Variants in ADAMTSL1 observed in about 807,000 individuals in gnomAD.
ADAMTSL1 encodes ADAMTS like 1.
A neutral mutation model predicts 201.8 loss-of-function variants in ADAMTSL1; 126 were observed. That is an observed-to-expected ratio of 0.62 (90% confidence interval 0.54 to 0.72). The LOEUF (loss-of-function observed/expected upper bound fraction) is 0.72. Ranked by LOEUF, ADAMTSL1 falls within the 30% of genes least tolerant of loss-of-function variation. The pLI, the probability that ADAMTSL1 is intolerant of heterozygous loss-of-function variation, is 0.00. For missense variants in ADAMTSL1, 2,679 were observed against 2,277.8 expected (o/e 1.18, Z -3.59); for synonymous variants, 1,121 against 903.4 (o/e 1.24, Z -4.32).
intron 2 of ADAMTSL1, among the ~76,000 whole-genome samples, chr9:18,219,312 C>T (rs112210356): frequency 0.011 from 1,673 of 151,212 alleles, 27 homozygotes; most frequent in African/African-American, 0.038. Context: ...TATCCTCTTA[C>T]CTATGAATCC....
intron 3 of ADAMTSL1, among the ~76,000 whole-genome samples, chr9:18,534,032 G>T (rs1323955142): frequency 1.3e-5 from 2 of 152,148 alleles, no homozygotes; most frequent in African/African-American, 4.8e-5. Flanking sequence ...CCAGAGTTGA[G>T]TATAGCAGTA....
At chr9:18,108,256 A>G (rs1824851018) in intron 1 of ADAMTSL1, among the ~76,000 whole-genome samples, 1 of 146,690 alleles carries the variant, frequency 6.8e-6, no homozygotes, top group Admixed American at 6.9e-5. Flanking sequence ...GCTGGTGTAC[A>G]GTGACACCAT....
At chr9:18,399,627 A>C (rs959493959) in intron 2 of ADAMTSL1, among the ~76,000 whole-genome samples, 1 of 152,062 alleles carries the variant, frequency 6.6e-6, no homozygotes, top group Admixed American at 6.6e-5. Context: ...CTGGGATTAC[A>C]GGCATGAGCC....
intron 1 of ADAMTSL1, among the ~76,000 whole-genome samples, chr9:18,094,048 A>C (rs1455426740): frequency 6.6e-6 from 1 of 152,166 alleles, no homozygotes; most frequent in African/African-American, 2.4e-5. Flanking sequence ...TAGGACACTG[A>C]TGAGAGACCA....
At chr9:18,106,942 C>T (rs1411799) in intron 1 of ADAMTSL1, among the ~76,000 whole-genome samples, 87,448 of 151,994 alleles carry the variant, frequency 0.58, 26,292 homozygotes, top group African/African-American at 0.76. Context: ...AGATATCTGG[C>T]AATTCCCACA....
intron 15 of ADAMTSL1, among the ~76,000 whole-genome samples, chr9:18,733,987 C>T (rs1818369476): frequency 6.7e-6 from 1 of 150,148 alleles, no homozygotes; most frequent in South Asian, 2.1e-4. Flanking sequence ...GTGTAAATGA[C>T]TGATTCCTAT....
intron 2 of ADAMTSL1, among the ~76,000 whole-genome samples, chr9:18,393,931 G>A (rs1817642634): frequency 6.6e-6 from 1 of 152,090 alleles, no homozygotes; most frequent in Admixed American, 6.6e-5. Context: ...ACTACTAGTT[G>A]GTAAACAAAT....
At chr9:18,144,320 C>G (rs999980142) in intron 1 of ADAMTSL1, among the ~76,000 whole-genome samples, 2 of 152,074 alleles carry the variant, frequency 1.3e-5, no homozygotes, top group African/African-American at 4.8e-5. Flanking sequence ...ATTACTCTGC[C>G]TCAGCTTCCT....
At chr9:18,247,231 C>G (rs541195675) in intron 2 of ADAMTSL1, among the ~76,000 whole-genome samples, 2 of 152,140 alleles carry the variant, frequency 1.3e-5, no homozygotes, top group South Asian at 4.2e-4. Context: ...ACAGTAATAG[C>G]AAATATAGCA....
intron 1 of ADAMTSL1, among the ~76,000 whole-genome samples, chr9:17,988,494 C>A (rs2253259): frequency 0.14 from 21,817 of 151,676 alleles, 1,960 homozygotes; most frequent in East Asian, 0.25. Flanking sequence ...AGTATTCATA[C>A]CAGGCCCATG....
chr9:18,162,099 T>G (rs547486186), intron 1 of ADAMTSL1, among the ~76,000 whole-genome samples: 38 of 152,178 alleles, frequency 2.5e-4, no homozygotes, highest in African/African-American at 7.2e-4. Flanking sequence ...CTCTGGTCCG[T>G]GTATTACTGG....
intron 1 of ADAMTSL1, among the ~76,000 whole-genome samples, chr9:18,133,909 C>T (rs1265950879): frequency 6.6e-6 from 1 of 152,092 alleles, no homozygotes; most frequent in African/African-American, 2.4e-5. Context: ...TCTCATTAGA[C>T]CTCATTCAAC....
intron 1 of ADAMTSL1, among the ~76,000 whole-genome samples, chr9:18,090,852 C>T (rs894594699): frequency 2.0e-5 from 3 of 152,050 alleles, no homozygotes; most frequent in Non-Finnish European, 4.4e-5. Context: ...CTCCTTCCTC[C>T]CCCTGGCGTT....
At chr9:18,840,353 T>A (rs184850283) in intron 23 of ADAMTSL1, among the ~76,000 whole-genome samples, 2 of 152,242 alleles carry the variant, frequency 1.3e-5, no homozygotes, top group Admixed American at 1.3e-4. Flanking sequence ...TGTAGATCTA[T>A]GGCATTATTT....
intron 1 of ADAMTSL1, among the ~76,000 whole-genome samples, chr9:18,479,145 C>G (rs1207036953): frequency 6.6e-6 from 1 of 152,180 alleles, no homozygotes; most frequent in African/African-American, 2.4e-5. Context: ...CTAAATCTCC[C>G]CAATTCCCGA....
chr9:18,899,478 C>A (rs1588344747), intron 26 of ADAMTSL1, among the ~76,000 whole-genome samples: 1 of 152,154 alleles, frequency 6.6e-6, no homozygotes, highest in South Asian at 2.1e-4. Flanking sequence ...GAAAAAGAGC[C>A]CGAGTAGTCA....
At chr9:18,376,527 C>T (rs547735200) in intron 2 of ADAMTSL1, among the ~76,000 whole-genome samples, 11 of 152,086 alleles carry the variant, frequency 7.2e-5, no homozygotes, top group East Asian at 3.9e-4. Context: ...ACTTAGGGCC[C>T]GGGGCGGTGG....
At chr9:18,157,253 G>T (rs1241762454) in intron 1 of ADAMTSL1, among the ~76,000 whole-genome samples, 11 of 152,060 alleles carry the variant, frequency 7.2e-5, no homozygotes, top group Non-Finnish European at 1.6e-4. Context: ...TGCTCTGTGA[G>T]AATAAGCTTC....
At chr9:18,074,071 T>C (rs372896987) in intron 1 of ADAMTSL1, among the ~76,000 whole-genome samples, 2 of 152,188 alleles carry the variant, frequency 1.3e-5, no homozygotes, top group Non-Finnish European at 2.9e-5. Context: ...ATTTCTCATT[T>C]TTTGGAGCAT....
Sources: allele counts gnomAD v4.1 joint callset (sites outside exome capture counted in the v4.1 genomes callset), GRCh38; gene constraint gnomAD v4.1.1; transcripts MANE v1.5; gene names NCBI Gene and HGNC (gene_info 2026-07-23, HGNC 2026-07-21).